RC3H1: variants seen among roughly 807,000 people sequenced by gnomAD.
The protein encoded by RC3H1 is ring finger and CCCH-type domains 1.
Under a neutral mutation model 138.2 loss-of-function variants are expected in RC3H1, and 50 were observed. The ratio of observed to expected loss-of-function variants is 0.36; its 90% CI spans 0.29 to 0.46. The LOEUF (loss-of-function observed/expected upper bound fraction) is 0.46. RC3H1 is among the 20% of genes least tolerant of loss of function. The pLI is 1.00. For missense variants in RC3H1, 1,031 were observed against 1,388.1 expected, an observed-to-expected ratio of 0.74 and a Z score of 4.09; for synonymous variants, 462 against 489.1, an observed-to-expected ratio of 0.94 and a Z score of 0.73.
intron 13 of RC3H1, among the ~76,000 whole-genome samples, chr1:173,953,990 G>C (rs1659527591): frequency 6.6e-6 from 1 of 152,132 alleles, no homozygotes; most frequent in African/African-American, 2.4e-5. Flanking sequence ...AGGGAGCCAA[G>C]TTCATGCCAC....
At position 173,937,215 on chromosome 1, in the gene RC3H1, GTATGATGGACACAGAGCTTAGAC is replaced by G. The variant is rs1658641392; in HGVS notation, c.*1483_*1505del. On this transcript the variant is annotated 3_prime_UTR_variant, in exon 20 of 20. Transcript: ENST00000367696. ...CACCACCCATTTGTTTAAGTTAACA[GTATGATGGACACAGAGCTTAGAC>G]TGAGGTTGTTATGACCTCAGCAGGA... 6.6e-6 allele frequency: 1 copy of G among 151,740 alleles called. No homozygotes were observed. Among genetic ancestry groups the G allele is most frequent in the Admixed American group, 6.6e-5 (1 of 15,170 alleles). 9.4% of individuals were successfully genotyped at this position (151,740 alleles called of 1,614,324 possible).
intron 2 of RC3H1, among the ~76,000 whole-genome samples, chr1:173,988,320 T>A (rs930962576): frequency 2.0e-5 from 3 of 152,228 alleles, no homozygotes; most frequent in African/African-American, 7.2e-5. Context: ...ATAATTGGAA[T>A]CATACAGTAT....
chr1:173,992,752 T>A lies in RC3H1; in HGVS notation c.231+3A>T, dbSNP rs1207642434. 1 of 1,608,132 alleles carries A rather than the reference T, an allele frequency of 6.2e-7. No homozygotes were observed. On this transcript the variant is annotated splice_donor_region_variant and intron_variant, in intron 2 of 19. Transcript: ENST00000367696. Reference sequence around the variant, plus strand: ...TTTAAAAGTATTAAGTCACCCATCCTACCTGAGCACCCACGAGCTGCAGCA... The same window carrying A: ...TTTAAAAGTATTAAGTCACCCATCCAACCTGAGCACCCACGAGCTGCAGCA...
At chr1:173,995,028 T>G (rs771845742) in intron 1 of RC3H1, among the ~76,000 whole-genome samples, 5 of 152,114 alleles carry the variant, frequency 3.3e-5, no homozygotes, top group Non-Finnish European at 7.3e-5. Flanking sequence ...GTAAGTGATA[T>G]GTAGGTAAAG....
At chr1:173,995,359 C>T (rs1336742662) in intron 1 of RC3H1, among the ~76,000 whole-genome samples, 1 of 151,622 alleles carries the variant, frequency 6.6e-6, no homozygotes, top group East Asian at 1.9e-4. Context: ...CATGGAGAAA[C>T]CCCGTCTCTA....
At chr1:173,950,036 G>C (rs575684275) in intron 14 of RC3H1, among the ~76,000 whole-genome samples, 1 of 151,964 alleles carries the variant, frequency 6.6e-6, no homozygotes, top group African/African-American at 2.4e-5. Flanking sequence ...GGGCATGGTG[G>C]TATGTGCCTG....
At chr1:174,002,419 C>T (rs1301358376) in intron 1 of RC3H1, among the ~76,000 whole-genome samples, 1 of 152,130 alleles carries the variant, frequency 6.6e-6, no homozygotes, top group Non-Finnish European at 1.5e-5. Flanking sequence ...CTATAGAATC[C>T]TCAGGAATAT....
At position 173,932,216 on chromosome 1, in the gene RC3H1, T is replaced by C. The variant is rs1658409228; in HGVS notation, c.*6505A>G. The C allele has an allele frequency of 6.6e-6, 1 of 151,198 alleles. No individual in the cohort carries two copies. Among genetic ancestry groups the C allele is most frequent in the Non-Finnish European group, 1.5e-5 (1 of 67,748 alleles). 9.4% of individuals were successfully genotyped at this position (151,198 alleles called of 1,614,324 possible). A position where few individuals can be genotyped will look rare whatever the true frequency, so the allele number is the denominator to read the frequency against. ...TCTATCCCAAGCAAATATGCACCAA[T>C]GTTAAAAAGTTATTTTTTTAAAAAA... On this transcript the variant is annotated 3_prime_UTR_variant, in exon 20 of 20. Transcript: ENST00000367696.
In RC3H1 at chr1:173,938,413, T is replaced by A. The variant is rs1658689391; in HGVS notation, c.*308A>T. ...GTGTATATATAATATCTTTTTTTTT[T>A]AAAGCCCTGGATCCAAGGCGTCCAA... On this transcript the variant is annotated 3_prime_UTR_variant, in exon 20 of 20. Coordinates refer to ENST00000367696, the MANE Select transcript of RC3H1 (RefSeq NM_172071.4). The A allele has an allele frequency of 5.3e-6, 1 of 187,948 alleles. No individual in the cohort carries two copies. The highest frequency in any genetic ancestry group is 1.1e-5 in the Non-Finnish European group (1 of 91,948). 11.6% of individuals were successfully genotyped at this position (187,948 alleles called of 1,614,324 possible). A position where few individuals can be genotyped will look rare whatever the true frequency, so the allele number is the denominator to read the frequency against.
intron 13 of RC3H1, among the ~76,000 whole-genome samples, chr1:173,958,335 G>C (rs1659729868): frequency 6.6e-6 from 1 of 152,124 alleles, no homozygotes; most frequent in Non-Finnish European, 1.5e-5. Context: ...TTGAGGTCAG[G>C]AGTTTGAGAC....
At position 173,974,661 on chromosome 1, in the gene RC3H1, G is replaced by A. The variant is rs200310128; in HGVS notation, c.1103-2034C>T. On this transcript the variant is annotated intron_variant, in intron 7 of 19. Coordinates refer to ENST00000367696, the MANE Select transcript of RC3H1 (RefSeq NM_172071.4). ...GAATCAGAGAGGAGGGAATTAAGTG[G>A]AAAAAAAGGGTAGGAAATGAGGTTT... is the stretch of plus-strand genomic sequence containing the variant. Among the ~76,000 whole-genome samples, 8 of 66,086 alleles carry A rather than the reference G, an allele frequency of 1.2e-4. No individual in the cohort carries two copies. In the African/African-American group the frequency reaches 3.2e-3, roughly 27 times the overall value. 43.4% of individuals were successfully genotyped at this position (66,086 alleles called of 152,430 possible).
In RC3H1 at chr1:173,966,701, C is replaced by T. The variant is rs575727811; in HGVS notation, c.1335-1581G>A. Among the ~76,000 whole-genome samples, 67 of 150,312 alleles carry T rather than the reference C, an allele frequency of 4.5e-4. No individual in the cohort carries two copies. In the South Asian group the frequency reaches 0.012, roughly 26 times the overall value. On this transcript the variant is annotated intron_variant, in intron 9 of 19. Coordinates refer to ENST00000367696, the MANE Select transcript of RC3H1 (RefSeq NM_172071.4). ...CTGCACTCCAGCCTGGGCGACAGAG[C>T]GAGACCCTGTCTCAAAAAACAAAAA...
chr1:174,020,979 A>G (rs1451792807), intron 1 of RC3H1, among the ~76,000 whole-genome samples: 1 of 152,232 alleles, frequency 6.6e-6, no homozygotes, highest in Non-Finnish European at 1.5e-5. Flanking sequence ...ACTGCAATCC[A>G]GCCTGGGTGA....
chr1:174,018,322 A>T (rs12562588), intron 1 of RC3H1, among the ~76,000 whole-genome samples: 44,002 of 152,156 alleles, frequency 0.29, 11,386 homozygotes, highest in African/African-American at 0.7. Flanking sequence ...CAGGAAAACA[A>T]TATAAACTAA....
At chr1:173,973,311 G>A (rs1169715063) in intron 7 of RC3H1, among the ~76,000 whole-genome samples, 3 of 152,144 alleles carry the variant, frequency 2.0e-5, no homozygotes, top group Non-Finnish European at 4.4e-5. Context: ...GCCGAGGTGG[G>A]CAGATCACAA....
At position 173,938,653 on chromosome 1, in the gene RC3H1, G is replaced by A; in HGVS notation, c.*68C>T. On this transcript the variant is annotated 3_prime_UTR_variant, in exon 20 of 20. Transcript: ENST00000367696. ...TTAAGAGAAAAAGTTTAGAAGTTAT[G>A]CGTTCTCCTACCCCTATGCCCGACA... The A allele has an allele frequency of 8.4e-7, 1 of 1,185,200 alleles. No individual in the cohort carries two copies. The highest frequency in any genetic ancestry group is 1.2e-6 in the Non-Finnish European group (1 of 862,736). The allele number at this position is 1,185,200 out of a possible 1,614,324, so 73.4% of individuals were successfully genotyped here.
chr1:173,983,441 C>G lies in RC3H1; in HGVS notation c.569G>C (p.Arg190Thr). Residue 190 changes from arginine (R) to threonine (T), a missense_variant, in exon 4 of 20, where the codon AGG becomes ACG. This residue lies in a region of RC3H1 where 53 missense variants were observed against 137.4 expected (regional missense o/e 0.39). Coordinates refer to ENST00000367696, the MANE Select transcript of RC3H1 (RefSeq NM_172071.4). ...SSNLWAAVRA[R>T]GCQFLGPAMQ... is the part of the protein sequence containing the mutation. The stretch of plus-strand genomic sequence containing the variant: ...ACCTGGTCCAAGGAACTGGCATCCC[C>G]TAGCCCTTACTGCTGCCCAAAGATT... The G allele has an allele frequency of 6.2e-7, 1 of 1,614,230 alleles. No homozygotes were observed. The highest frequency in any genetic ancestry group is 8.5e-7 in the Non-Finnish European group (1 of 1,180,040).
rs190390404 is a variant in RC3H1 at position 173,935,728 on chromosome 1, C to T, written c.*2993G>A. On this transcript the variant is annotated 3_prime_UTR_variant, in exon 20 of 20. Coordinates refer to ENST00000367696, the MANE Select transcript of RC3H1 (RefSeq NM_172071.4). ...AAGGAAAAGGAAAAAAAGCAAAAAA[C>T]AAAAAACAAATTTTGGGGGTGTTAG... 4.6e-5 allele frequency: 7 copies of T among 152,142 alleles called. No homozygotes were observed. In the East Asian group the frequency reaches 1.4e-3, roughly 29 times the overall value. The allele number at this position is 152,142 out of a possible 1,614,324, so 9.4% of individuals were successfully genotyped here.
chr1:174,004,048 T>C (rs1008979797), intron 1 of RC3H1, among the ~76,000 whole-genome samples: 2 of 147,780 alleles, frequency 1.4e-5, no homozygotes, highest in Admixed American at 6.8e-5. Context: ...TTTATATATA[T>C]GATATATTAT....
Sources: gnomAD v4.1 joint callset for allele counts (sites outside exome capture counted in the v4.1 genomes callset) on GRCh38, gnomAD v4.1.1 for gene constraint, gnomAD v4.1.1 regional missense constraint, MANE v1.5 for transcripts, NCBI Gene and HGNC (gene_info 2026-07-23, HGNC 2026-07-21) for gene names.